Variants in LYZL2 observed in about 807,000 individuals in gnomAD.
LYZL2 encodes lysozyme like 2.
LYZL2 carries 13 observed loss-of-function variants against 17.1 expected under a neutral mutation model. The observed-to-expected ratio is 0.76, with a 90% CI of 0.49 to 1.21. LYZL2 has a LOEUF of 1.21. LYZL2 is among the 50% of genes most tolerant of loss of function. The pLI is 0.00. For missense variants in LYZL2, 166 were observed against 189.2 expected (o/e 0.88, Z 0.72); for synonymous variants, 63 against 74.4 (o/e 0.85, Z 0.79).
At chr10:30,614,736 T>C (rs1453912361) in intron 3 of LYZL2, among the ~76,000 whole-genome samples, 2 of 152,150 alleles carry the variant, frequency 1.3e-5, no homozygotes, top group Non-Finnish European at 2.9e-5. Context: ...GTATAATGGA[T>C]TCAATGTCTC....
rs146282381 is a variant in LYZL2, at chr10:30,626,215, G to A, written c.188C>T (p.Thr63Met). 26 of 1,614,136 alleles carry A rather than the reference G, an allele frequency of 1.6e-5. No homozygotes were observed. The highest frequency in any genetic ancestry group is 2.7e-5 in the African/African-American group (2 of 74,956). ...GTCGATGCTGCCGTCATCCAGGACCGTCTGGGCTGTGGTGTTGTAGCCGCT... is the reference window on the plus strand; with the variant it reads ...GTCGATGCTGCCGTCATCCAGGACCATCTGGGCTGTGGTGTTGTAGCCGCT... ...YESGYNTTAQ[T>M]VLDDGSIDYG... The change falls in exon 3 of 5, where the codon ACG becomes ATG. Residue 63 changes from threonine (T) to methionine (M), a missense_variant. Thr to Met is a moderately conservative substitution (Grantham distance 81). Coordinates refer to ENST00000647634, the MANE Select transcript of LYZL2 (RefSeq NM_183058.3).
downstream of LYZL2, among the ~76,000 whole-genome samples, chr10:30,607,101 G>T (rs1036605732): frequency 6.3e-5 from 7 of 111,424 alleles, no homozygotes; most frequent in East Asian, 1.3e-3. Flanking sequence ...TAGTGGAGAC[G>T]GGGTTTCACC....
intron 3 of LYZL2, among the ~76,000 whole-genome samples, chr10:30,619,877 G>C (rs1838593224): frequency 6.6e-6 from 1 of 151,984 alleles, no homozygotes; most frequent in East Asian, 1.9e-4. Context: ...TAAAGAGACA[G>C]CTCTTTCAAA....
intron 3 of LYZL2, among the ~76,000 whole-genome samples, chr10:30,619,827 T>C (rs1354220534): frequency 6.6e-6 from 1 of 151,112 alleles, no homozygotes; most frequent in Non-Finnish European, 1.5e-5. Context: ...TAAAGTACAA[T>C]AATAAAAAAA....
chr10:30,606,370 T>TTA, the LYZL2 span, among the ~76,000 whole-genome samples: 3 of 149,642 alleles, frequency 2.0e-5, no homozygotes, highest in East Asian at 1.9e-4. Context: ...TTTTTTTTTT[T>TTA]AGAGATAGGG....
Position 30,611,895 on chromosome 10 carries a change from T to G in LYZL2, c.*60A>C. The stretch of plus-strand genomic sequence containing the variant: ...AAACGGGACAAGATGACACAGGCAT[T>G]TGGACATTCACTGCAAACCCTAGGG... On this transcript the variant is annotated 3_prime_UTR_variant, in exon 5 of 5. Coordinates refer to ENST00000647634, the MANE Select transcript of LYZL2 (RefSeq NM_183058.3). 6.2e-7 allele frequency: 1 copy of G among 1,612,940 alleles called. No homozygotes were observed. Among genetic ancestry groups the G allele is most frequent in the Non-Finnish European group, 8.5e-7 (1 of 1,179,666 alleles).
downstream of LYZL2, among the ~76,000 whole-genome samples, chr10:30,608,660 G>A (rs559324282): frequency 7.2e-5 from 11 of 152,324 alleles, no homozygotes; most frequent in East Asian, 1.9e-3. Context: ...GTATCTCAGG[G>A]ATGTGTGTGG....
At chr10:30,622,844 T>C (rs1254352123) in intron 3 of LYZL2, among the ~76,000 whole-genome samples, 1 of 152,156 alleles carries the variant, frequency 6.6e-6, no homozygotes, top group Non-Finnish European at 1.5e-5. Flanking sequence ...TCACTCCTAC[T>C]GAAAAACAGT....
intron 2 of LYZL2, among the ~76,000 whole-genome samples, chr10:30,626,535 C>T (rs1416826312): frequency 6.6e-6 from 1 of 152,132 alleles, no homozygotes; most frequent in Non-Finnish European, 1.5e-5. Flanking sequence ...GCAGAGGTGG[C>T]ATTATTTTCC....
At chr10:30,608,152 A>T (rs1838396374), downstream of LYZL2, among the ~76,000 whole-genome samples, 1 of 152,206 alleles carries the variant, frequency 6.6e-6, no homozygotes. Context: ...CCTGTTGCCC[A>T]GGCTGGTCTC....
At chr10:30,623,280 C>T (rs769134683) in intron 3 of LYZL2, among the ~76,000 whole-genome samples, 1 of 152,186 alleles carries the variant, frequency 6.6e-6, no homozygotes, top group Non-Finnish European at 1.5e-5. Context: ...AGAACATCCA[C>T]CCACCAAATA....
downstream of LYZL2, among the ~76,000 whole-genome samples, chr10:30,611,290 G>A (rs1838429215): frequency 6.6e-6 from 1 of 151,902 alleles, no homozygotes; most frequent in Admixed American, 6.6e-5. Context: ...GGGATGCCAA[G>A]GTGGGCAGAT....
downstream of LYZL2, among the ~76,000 whole-genome samples, chr10:30,611,297 A>G (rs779765208): frequency 3.9e-5 from 6 of 151,908 alleles, no homozygotes; most frequent in Non-Finnish European, 7.4e-5. Context: ...CAAGGTGGGC[A>G]GATCACCTTG....
intron 3 of LYZL2, among the ~76,000 whole-genome samples, chr10:30,617,679 A>AAAAAAAAAAAAAAAAAAAAAAG (rs1838554252): frequency 8.3e-4 from 89 of 106,906 alleles, no homozygotes; most frequent in South Asian, 1.5e-3. Flanking sequence ...TGTCTCAAAA[A>AAAAAAAAAAAAAAAAAAAAAAG]AAAAAAAAAA....
intron 3 of LYZL2, among the ~76,000 whole-genome samples, chr10:30,617,641 C>T (rs2132940633): frequency 8.9e-6 from 1 of 111,756 alleles, no homozygotes; most frequent in Non-Finnish European, 1.7e-5. Flanking sequence ...TGCCACTGCA[C>T]TTCAGCCTGG....
chr10:30,622,102 TA>T (rs540026070), intron 3 of LYZL2, among the ~76,000 whole-genome samples: 242 of 151,780 alleles, frequency 1.6e-3, no homozygotes, highest in African/African-American at 5.4e-3. Context: ...CAGTAACAAC[TA>T]AAAACAAAAT....
intron 4 of LYZL2, among the ~76,000 whole-genome samples, chr10:30,612,484 T>C (rs1330133827): frequency 6.6e-6 from 1 of 152,234 alleles, no homozygotes; most frequent in Non-Finnish European, 1.5e-5. Flanking sequence ...TATCCAAATC[T>C]AGAGCAAACT....
chr10:30,626,369 C>T lies in LYZL2; in HGVS notation c.140-106G>A, dbSNP rs1838706591. The T allele has an allele frequency of 2.6e-6, 4 of 1,528,856 alleles. No homozygotes were observed. In the East Asian group the frequency reaches 9.1e-5, roughly 35 times the overall value. 94.7% of individuals were successfully genotyped at this position (1,528,856 alleles called of 1,614,324 possible). On this transcript the variant is annotated intron_variant, in intron 2 of 4. Transcript: ENST00000647634. ...ATCCCTGTTACCTGACTGCTTCCTC[C>T]CAATACACCTTGGGCAGGGCAGGGC... is the stretch of plus-strand genomic sequence containing the variant.
chr10:30,612,034 A>T lies in LYZL2; in HGVS notation c.378-10T>A. Reference sequence around the variant, plus strand: ...TTTCTTCCAGCCTTGCCTGAGGACGAGAGGGAAGCAAGAGCAGCAGAAAGA... The same window carrying T: ...TTTCTTCCAGCCTTGCCTGAGGACGTGAGGGAAGCAAGAGCAGCAGAAAGA... On this transcript the variant is annotated splice_polypyrimidine_tract_variant and intron_variant, in intron 4 of 4. Coordinates refer to ENST00000647634, the MANE Select transcript of LYZL2 (RefSeq NM_183058.3). The T allele has an allele frequency of 7.4e-6, 12 of 1,613,900 alleles. No homozygotes were observed. The highest frequency in any genetic ancestry group is 1.0e-5 in the Non-Finnish European group (12 of 1,179,862).
Sources: gnomAD v4.1 joint callset for allele counts (sites outside exome capture counted in the v4.1 genomes callset) on GRCh38, gnomAD v4.1.1 for gene constraint, MANE v1.5 for transcripts, NCBI Gene and HGNC (gene_info 2026-07-23, HGNC 2026-07-21) for gene names.